GABRA4: variants seen among roughly 807,000 people sequenced by gnomAD.
GABRA4 encodes the protein gamma-aminobutyric acid type A receptor subunit alpha4.
A neutral mutation model predicts 49.7 loss-of-function variants in GABRA4; 12 were observed. The ratio of observed to expected loss-of-function variants is 0.24; its 90% CI spans 0.15 to 0.39. The LOEUF is 0.39. Among genes scored for constraint, GABRA4 ranks in the 10% least tolerant of loss-of-function variants. The pLI, the probability that GABRA4 is intolerant of heterozygous loss-of-function variation, is 1.00. For missense variants in GABRA4, 506 were observed against 686.0 expected, an observed-to-expected ratio of 0.74 and a Z score of 2.93; for synonymous variants, 288 against 240.2, an observed-to-expected ratio of 1.20 and a Z score of -1.84.
At chr4:46,936,744 T>G (rs1003709598) in intron 8 of GABRA4, among the ~76,000 whole-genome samples, 1 of 152,242 alleles carries the variant, frequency 6.6e-6, no homozygotes, top group Admixed American at 6.5e-5. Context: ...TGGCTGGGCC[T>G]CTTTCTAAAT....
intron 6 of GABRA4, 32 bp from the exon 7 acceptor site, chr4:46,971,267 C>G: frequency 6.2e-7 from 1 of 1,602,800 alleles, no homozygotes; most frequent in Non-Finnish European, 8.5e-7. Context: ...AATGTGTTAT[C>G]GGTTCTGCAG....
chr4:46,977,283 A>AGGGAGGGAGGAC, intron 4 of GABRA4, 127 bp downstream of exon 4: 1 of 393,016 alleles, frequency 2.5e-6, no homozygotes, highest in East Asian at 6.2e-5. Flanking sequence ...GGAAGGAGGA[A>AGGGAGGGAGGAC]GGGAGGGAGG....
At chr4:46,946,258 A>G (rs988533762) in intron 8 of GABRA4, among the ~76,000 whole-genome samples, 3 of 152,120 alleles carry the variant, frequency 2.0e-5, no homozygotes, top group African/African-American at 7.2e-5. Flanking sequence ...GTGGAAACTG[A>G]TAGATTCTAG....
intron 8 of GABRA4, among the ~76,000 whole-genome samples, chr4:46,951,540 C>T (rs987672651): frequency 1.3e-5 from 2 of 151,808 alleles, no homozygotes; most frequent in Non-Finnish European, 2.9e-5. Flanking sequence ...TGACTTTCTG[C>T]TTTTTGAATA....
At chr4:46,980,107 A>C (rs1461000367) in intron 2 of GABRA4, among the ~76,000 whole-genome samples, 1 of 152,126 alleles carries the variant, frequency 6.6e-6, no homozygotes, top group Non-Finnish European at 1.5e-5. Context: ...ATGAGTATTA[A>C]TTGAGATAAT....
At position 46,931,224 on chromosome 4, in the gene GABRA4, C is replaced by T. The variant is rs190152917; in HGVS notation, c.1135-2469G>A. ...CATTCACCCAAAGCCAGGAATAGTG[C>T]ATGTTTCCACCTGCTGCACTAGAAA... On this transcript the variant is annotated intron_variant, in intron 8 of 8. Transcript: ENST00000264318. Among the ~76,000 whole-genome samples the T allele has an allele frequency of 1.7e-3, 256 of 152,154 alleles. 2 individuals carry two copies. The highest frequency in any genetic ancestry group is 3.4e-3 in the Middle Eastern group (1 of 294).
intron 8 of GABRA4, among the ~76,000 whole-genome samples, chr4:46,955,942 C>A (rs1372267210): frequency 6.6e-6 from 1 of 152,082 alleles, no homozygotes; most frequent in Non-Finnish European, 1.5e-5. Context: ...GGTGACTTCA[C>A]AATAGTTGCC....
At chr4:46,967,482 G>A (rs2109379277) in intron 7 of GABRA4, among the ~76,000 whole-genome samples, 2 of 151,388 alleles carry the variant, frequency 1.3e-5, no homozygotes, top group African/African-American at 4.8e-5. Flanking sequence ...TGCAGTTATT[G>A]ACCCATAAAT....
At chr4:46,987,444 T>A (rs545674855) in intron 2 of GABRA4, among the ~76,000 whole-genome samples, 2 of 152,278 alleles carry the variant, frequency 1.3e-5, no homozygotes, top group South Asian at 2.1e-4. Context: ...CACTATATTT[T>A]ACTTATTTCT....
intron 8 of GABRA4, among the ~76,000 whole-genome samples, chr4:46,948,777 A>G (rs976482230): frequency 1.3e-5 from 2 of 152,054 alleles, no homozygotes; most frequent in Non-Finnish European, 2.9e-5. Context: ...CTGCTTTACA[A>G]AATAGACCTA....
At chr4:46,993,307 T>C (rs761099183) in intron 1 of GABRA4, 32 bp downstream of exon 1, 69 of 1,590,770 alleles carry the variant, frequency 4.3e-5, no homozygotes, top group Middle Eastern at 1.7e-4. Flanking sequence ...CCACTTTCCG[T>C]TGCCCACCTC....
intron 2 of GABRA4, among the ~76,000 whole-genome samples, chr4:46,990,011 G>A (rs887417642): frequency 6.6e-6 from 1 of 152,146 alleles, no homozygotes; most frequent in Non-Finnish European, 1.5e-5. Context: ...CTGCAGGTGA[G>A]AATCACTATT....
At chr4:46,991,058 C>A (rs1218997230) in intron 2 of GABRA4, among the ~76,000 whole-genome samples, 1 of 152,050 alleles carries the variant, frequency 6.6e-6, no homozygotes, top group Non-Finnish European at 1.5e-5. Flanking sequence ...TGGTGGCTTG[C>A]ACCTGTAATC....
intron 8 of GABRA4, among the ~76,000 whole-genome samples, chr4:46,945,843 T>C (rs968820525): frequency 3.9e-5 from 6 of 152,038 alleles, no homozygotes; most frequent in African/African-American, 1.4e-4. Flanking sequence ...ATACTAGCAA[T>C]CTCCCTCAAA....
chr4:46,989,275 G>A (rs940745382), intron 2 of GABRA4, among the ~76,000 whole-genome samples: 1 of 152,188 alleles, frequency 6.6e-6, no homozygotes, highest in African/African-American at 2.4e-5. Flanking sequence ...GAGAAATTAT[G>A]TAACAGTGTT....
At chr4:46,968,333 T>C (rs761339660) in intron 7 of GABRA4, among the ~76,000 whole-genome samples, 1 of 151,068 alleles carries the variant, frequency 6.6e-6, no homozygotes, top group Non-Finnish European at 1.5e-5. Context: ...CTGAAAACAA[T>C]ATCTTGGCAC....
chr4:46,985,221 A>G (rs753406494), intron 2 of GABRA4, among the ~76,000 whole-genome samples: 2 of 152,084 alleles, frequency 1.3e-5, no homozygotes, highest in Non-Finnish European at 2.9e-5. Flanking sequence ...TAAAATAAAG[A>G]CAGTCAACCT....
rs1448139708 is a variant in GABRA4 at position 46,920,524 on chromosome 4, A to G, written c.*7701T>C. 1 of 151,720 alleles carries G rather than the reference A, an allele frequency of 6.6e-6. No individual in the cohort carries two copies. Among genetic ancestry groups the G allele is most frequent in the African/African-American group, 2.4e-5 (1 of 41,426 alleles). The allele number at this position is 151,720 out of a possible 1,614,324, so 9.4% of individuals were successfully genotyped here. ...TGTATTAATATATGAAAAAATCCTA[A>G]TTGCACTTCACATGATGATATTCAT... On this transcript the variant is annotated 3_prime_UTR_variant, in exon 9 of 9. Transcript: ENST00000264318.
intron 8 of GABRA4, 131 bp from the exon 9 acceptor site, chr4:46,928,886 C>T: frequency 1.6e-6 from 1 of 614,374 alleles, no homozygotes; most frequent in South Asian, 2.5e-5. Flanking sequence ...CTGTAGTCAT[C>T]TTGATTTTAA....
Sources: allele counts gnomAD v4.1 joint callset (sites outside exome capture counted in the v4.1 genomes callset), GRCh38; gene constraint gnomAD v4.1.1; transcripts MANE v1.5; gene names NCBI Gene and HGNC (gene_info 2026-07-23, HGNC 2026-07-21).